The following BMERB1 variants were observed in gnomAD, a reference collection of about 807,000 sequenced individuals.
BMERB1 encodes the protein bMERB domain-containing protein 1.
A neutral mutation model predicts 23.6 loss-of-function variants in BMERB1; 12 were observed. The ratio of observed to expected loss-of-function variants is 0.51; its 90% confidence interval spans 0.33 to 0.82. BMERB1 has a LOEUF of 0.82. Among genes scored for constraint, BMERB1 ranks in the 40% least tolerant of loss-of-function variants. The probability of loss-of-function intolerance (pLI) is 0.03; values close to 1 mark genes in which losing one functional copy is unlikely to be tolerated. For synonymous variants in BMERB1, 122 were observed against 96.6 expected (o/e 1.26, Z -1.54); for missense variants, 247 against 255.4 (o/e 0.97, Z 0.22).
intron 3 of BMERB1, among the ~76,000 whole-genome samples, chr16:15,573,901 A>C (rs1483308856): frequency 6.8e-6 from 1 of 147,396 alleles, no homozygotes; most frequent in African/African-American, 2.5e-5. Context: ...AGGTGACAGG[A>C]AGGAGAATGA....
At chr16:15,522,339 A>T (rs1356791621) in intron 2 of BMERB1, among the ~76,000 whole-genome samples, 1 of 152,144 alleles carries the variant, frequency 6.6e-6, no homozygotes, top group East Asian at 1.9e-4. Flanking sequence ...ACTTCGTTTT[A>T]TTAAGAGGTA....
At chr16:15,455,661 C>T (rs2051080580) in intron 1 of BMERB1, among the ~76,000 whole-genome samples, 1 of 151,886 alleles carries the variant, frequency 6.6e-6, no homozygotes, top group Non-Finnish European at 1.5e-5. Context: ...AGGGTTTCTC[C>T]ATGTTGGTCA....
At chr16:15,485,642 A>G (rs1019811147) in intron 1 of BMERB1, among the ~76,000 whole-genome samples, 8 of 152,058 alleles carry the variant, frequency 5.3e-5, no homozygotes, top group African/African-American at 1.9e-4. Flanking sequence ...TCCCAAGTAT[A>G]AACTACTATT....
chr16:15,459,408 A>C (rs1348056097), intron 1 of BMERB1, among the ~76,000 whole-genome samples: 1 of 152,072 alleles, frequency 6.6e-6, no homozygotes, highest in Non-Finnish European at 1.5e-5. Context: ...AGATTCAAAG[A>C]CACAAATAGG....
At chr16:15,532,647 G>A (rs1473659769) in intron 2 of BMERB1, among the ~76,000 whole-genome samples, 4 of 142,472 alleles carry the variant, frequency 2.8e-5, no homozygotes, top group African/African-American at 7.8e-5. Flanking sequence ...CCAGGTTCAC[G>A]CCATTCGCCT....
At chr16:15,530,500 C>T (rs751807558) in intron 2 of BMERB1, among the ~76,000 whole-genome samples, 1 of 152,166 alleles carries the variant, frequency 6.6e-6, no homozygotes, top group Non-Finnish European at 1.5e-5. Flanking sequence ...CCTTTAATTC[C>T]TGGGCTCAAA....
intron 1 of BMERB1, among the ~76,000 whole-genome samples, chr16:15,498,834 TGGCAGCCAGTG>T (rs2051500026): frequency 1.3e-5 from 2 of 152,220 alleles, no homozygotes; most frequent in Non-Finnish European, 1.5e-5. Flanking sequence ...AGGATGCTAC[TGGCAGCCAGTG>T]GGCAGAGGCC....
At chr16:15,563,947 G>C (rs1360651020) in intron 2 of BMERB1, among the ~76,000 whole-genome samples, 3 of 152,138 alleles carry the variant, frequency 2.0e-5, no homozygotes, top group Non-Finnish European at 2.9e-5. Context: ...AGCTCTTCCT[G>C]GGAGGTGGGG....
intron 1 of BMERB1, among the ~76,000 whole-genome samples, chr16:15,497,599 T>C (rs746219464): frequency 1.3e-5 from 2 of 152,200 alleles, no homozygotes; most frequent in Non-Finnish European, 2.9e-5. Flanking sequence ...AATAAATGTG[T>C]GTTGTTTTAA....
intron 1 of BMERB1, among the ~76,000 whole-genome samples, chr16:15,451,405 A>C (rs1272558808): frequency 6.6e-6 from 1 of 151,286 alleles, no homozygotes; most frequent in Non-Finnish European, 1.5e-5. Flanking sequence ...CTGGTCTCAA[A>C]CTCCTCACCT....
chr16:15,563,452 C>A (rs982889988), intron 2 of BMERB1, among the ~76,000 whole-genome samples: 1 of 151,998 alleles, frequency 6.6e-6, no homozygotes, highest in South Asian at 2.1e-4. Context: ...ATCTCCTGAC[C>A]TCGTGATCTG....
chr16:15,532,932 A>C, intron 2 of BMERB1: 1 of 449,334 alleles, frequency 2.2e-6, no homozygotes, highest in Admixed American at 2.4e-5. Context: ...AAGTGTGTTT[A>C]CTTGCTCCGG....
chr16:15,444,105 G>GGTCCA (rs2050965461), intron 1 of BMERB1, among the ~76,000 whole-genome samples: 1 of 99,284 alleles, frequency 1.0e-5, no homozygotes, highest in Non-Finnish European at 2.0e-5. Flanking sequence ...CAAAGGCCAG[G>GGTCCA]GTCCAGGCAC....
chr16:15,516,815 T>G (rs943957495), intron 2 of BMERB1, among the ~76,000 whole-genome samples: 2 of 152,164 alleles, frequency 1.3e-5, no homozygotes, highest in African/African-American at 4.8e-5. Context: ...ACTCAGCTCT[T>G]TCTGCTTTTA....
chr16:15,471,497 G>A (rs1010774398), intron 1 of BMERB1, among the ~76,000 whole-genome samples: 7 of 152,156 alleles, frequency 4.6e-5, no homozygotes, highest in Non-Finnish European at 1.0e-4. Flanking sequence ...AAGTTTCTGC[G>A]TAAAAAGTTG....
At chr16:15,555,847 G>A (rs1162076977) in intron 2 of BMERB1, among the ~76,000 whole-genome samples, 3 of 151,978 alleles carry the variant, frequency 2.0e-5, no homozygotes, top group Admixed American at 2.0e-4. Context: ...CAATGCACAT[G>A]TTTATCATCT....
At chr16:15,578,169 A>G (rs757761820) in intron 3 of BMERB1, among the ~76,000 whole-genome samples, 2 of 149,906 alleles carry the variant, frequency 1.3e-5, no homozygotes, top group Admixed American at 6.6e-5. Flanking sequence ...CACCACTTCA[A>G]TCTCTGCCTC....
intron 1 of BMERB1, among the ~76,000 whole-genome samples, chr16:15,443,038 A>G (rs2050954842): frequency 6.6e-6 from 1 of 151,584 alleles, no homozygotes. Flanking sequence ...ACTTAACATC[A>G]GGAGTTCAAG....
chr16:15,467,716 A>G (rs1944226132), intron 1 of BMERB1, among the ~76,000 whole-genome samples: 1 of 152,184 alleles, frequency 6.6e-6, no homozygotes, highest in Non-Finnish European at 1.5e-5. Flanking sequence ...TTCTGAGCCA[A>G]ATGGAAGTGA....
Sources: gnomAD v4.1 joint callset for allele counts (sites outside exome capture counted in the v4.1 genomes callset) on GRCh38, gnomAD v4.1.1 for gene constraint, MANE v1.5 for transcripts, NCBI Gene and HGNC (gene_info 2026-07-23, HGNC 2026-07-21) for gene names.